Variants in NOL4L observed in about 807,000 individuals in gnomAD.
NOL4L encodes the protein nucleolar protein 4 like, also known as nucleolar protein 4-like.
Under a neutral mutation model 64.5 loss-of-function variants are expected in NOL4L, and 7 were observed. That is an observed-to-expected ratio of 0.11 (90% CI 0.06 to 0.20). The LOEUF is 0.20. Ranked by LOEUF, NOL4L falls within the 10% of genes least tolerant of loss-of-function variation. NOL4L has a pLI of 1.00. For missense variants in NOL4L, 680 were observed against 967.1 expected, an observed-to-expected ratio of 0.70 and a Z score of 3.94; for synonymous variants, 413 against 401.0, an observed-to-expected ratio of 1.03 and a Z score of -0.36.
rs869282447 is a variant in NOL4L at position 32,461,421 on chromosome 20, C to CTT, written c.842-5028_842-5027dup. On this transcript the variant is annotated intron_variant, in intron 5 of 10. Coordinates refer to ENST00000621426, the MANE Select transcript of NOL4L (RefSeq NM_001256798.2). ...ACACTGACCCCTCTACCTTTCTTTT[C>CTT]TTTTTTTTTTTTTTTTTTTGAGACG... 1.9e-3 allele frequency among the ~76,000 whole-genome samples: 113 copies of CTT among 58,276 alleles called. 1 individual carries two copies. The highest frequency in any genetic ancestry group is 2.8e-3 in the African/African-American group (31 of 11,054). The allele number at this position is 58,276 out of a possible 152,430, so 38.2% of individuals were successfully genotyped here. A position where few individuals can be genotyped will look rare whatever the true frequency, so the allele number is the denominator to read the frequency against.
chr20:32,565,198 C>T (rs1247053922), intron 1 of NOL4L, among the ~76,000 whole-genome samples: 2 of 152,184 alleles, frequency 1.3e-5, no homozygotes, highest in Admixed American at 6.5e-5. Flanking sequence ...CTGGAGACCC[C>T]GCCCTCCCAG....
At chr20:32,452,842 C>T (rs2013065659) in intron 9 of NOL4L, 42 bp downstream of exon 9, 2 of 1,609,478 alleles carry the variant, frequency 1.2e-6, no homozygotes, top group East Asian at 4.5e-5. Context: ...CCCTCCCTGG[C>T]TGCCCAGGAG....
intron 4 of NOL4L, among the ~76,000 whole-genome samples, chr20:32,487,732 CA>C (rs1258277513): frequency 2.6e-5 from 4 of 151,994 alleles, no homozygotes; most frequent in African/African-American, 4.8e-5. Context: ...GTTTTTAGAT[CA>C]GGGGAGATGA....
chr20:32,463,646 A>C lies in NOL4L; in HGVS notation c.842-7251T>G, dbSNP rs1161861236. Reference sequence around the variant, plus strand: ...TATTCAAATGGAGGAATTAGTGATGAATGGGGGAAATTGTTCCTCCCTCTG... The same window carrying C: ...TATTCAAATGGAGGAATTAGTGATGCATGGGGGAAATTGTTCCTCCCTCTG... On this transcript the variant is annotated intron_variant, in intron 5 of 10. Coordinates refer to ENST00000621426, the MANE Select transcript of NOL4L (RefSeq NM_001256798.2). The surrounding 1 kb of genome is among the most constrained non-coding windows in gnomAD (Gnocchi z 5.8). 6.6e-6 allele frequency among the ~76,000 whole-genome samples: 1 copy of C among 152,224 alleles called. No homozygotes were observed. The highest frequency in any genetic ancestry group is 1.5e-5 in the Non-Finnish European group (1 of 68,036).
chr20:32,477,379 C>T (rs1233146424), intron 4 of NOL4L, among the ~76,000 whole-genome samples: 1 of 152,234 alleles, frequency 6.6e-6, no homozygotes, highest in Non-Finnish European at 1.5e-5. Flanking sequence ...ACACGCCCTC[C>T]TAACTGAGTT....
intron 10 of NOL4L, chr20:32,449,708 A>C (rs2012681156): frequency 6.6e-6 from 1 of 152,282 alleles, no homozygotes; most frequent in Non-Finnish European, 1.5e-5. Context: ...GTGTTGTCAC[A>C]ATGCGGGACT....
intron 4 of NOL4L, among the ~76,000 whole-genome samples, chr20:32,498,198 C>A (rs1422402159): frequency 6.6e-6 from 1 of 152,166 alleles, no homozygotes; most frequent in African/African-American, 2.4e-5. Flanking sequence ...CTTTCCCACA[C>A]AGCTTCAGGG....
intron 4 of NOL4L, among the ~76,000 whole-genome samples, chr20:32,504,357 G>T (rs1203084176): frequency 6.6e-6 from 1 of 152,012 alleles, no homozygotes; most frequent in East Asian, 2.0e-4. Flanking sequence ...TCAGTAGATC[G>T]AGACCATCCT....
At chr20:32,511,086 T>A in intron 4 of NOL4L, 4 of 305,176 alleles carry the variant, frequency 1.3e-5, no homozygotes, top group Middle Eastern at 1.0e-3. Flanking sequence ...CGTCCCCTCC[T>A]CCCCCTCCTC....
intron 1 of NOL4L, among the ~76,000 whole-genome samples, chr20:32,562,057 G>C (rs137857614): frequency 2.0e-5 from 3 of 152,188 alleles, no homozygotes; most frequent in Admixed American, 1.3e-4. Flanking sequence ...GACCACAGGC[G>C]CGCTTACTCC....
chr20:32,568,481 C>T (rs766050906), intron 1 of NOL4L, among the ~76,000 whole-genome samples: 1 of 152,068 alleles, frequency 6.6e-6, no homozygotes, highest in Non-Finnish European at 1.5e-5. Context: ...GGACCTCAGA[C>T]TCCAGTCTCT....
At chr20:32,488,839 CTTTCTT>C (rs2016302296) in intron 4 of NOL4L, among the ~76,000 whole-genome samples, 3 of 58,874 alleles carry the variant, frequency 5.1e-5, no homozygotes, top group South Asian at 1.0e-3. Context: ...TTCTTTCTTT[CTTTCTT>C]TCTTTCTTTC....
At chr20:32,559,947 C>A (rs899324862) in intron 1 of NOL4L, among the ~76,000 whole-genome samples, 2 of 152,244 alleles carry the variant, frequency 1.3e-5, no homozygotes, top group Non-Finnish European at 1.5e-5. Flanking sequence ...GGAGACCAAG[C>A]CTCCCTCTGC....
Position 32,456,105 on chromosome 20 carries a change from C to T in NOL4L, c.1119+13G>A, listed in dbSNP as rs2145435907. The T allele has an allele frequency of 6.7e-7, 1 of 1,489,434 alleles. No homozygotes were observed. The highest frequency in any genetic ancestry group is 8.9e-7 in the Non-Finnish European group (1 of 1,118,326). 92.3% of individuals were successfully genotyped at this position (1,489,434 alleles called of 1,614,324 possible). ...TACAGAAAGAAATGGACTCAGCCCC[C>T]AGCCCCACACACCTCGGGGGTGGTC... On this transcript the variant is annotated intron_variant, in intron 6 of 10. Coordinates refer to ENST00000621426, the MANE Select transcript of NOL4L (RefSeq NM_001256798.2).
intron 4 of NOL4L, among the ~76,000 whole-genome samples, chr20:32,497,831 C>G (rs2016757063): frequency 6.6e-6 from 1 of 152,198 alleles, no homozygotes; most frequent in African/African-American, 2.4e-5. Context: ...CAGGACAGAG[C>G]CACTTCCCCC....
intron 4 of NOL4L, chr20:32,510,500 AC>A (rs2017350433): frequency 6.2e-6 from 1 of 161,396 alleles, no homozygotes. Flanking sequence ...GGACGGCCGC[AC>A]CCAGGGCTGG....
At chr20:32,533,142 A>C (rs1171993635) in intron 1 of NOL4L, among the ~76,000 whole-genome samples, 1 of 152,144 alleles carries the variant, frequency 6.6e-6, no homozygotes, top group Non-Finnish European at 1.5e-5. Flanking sequence ...AAAACAAAAA[A>C]AACCTACACA....
chr20:32,463,115 G>A lies in NOL4L; in HGVS notation c.842-6720C>T, dbSNP rs1446582922. Among the ~76,000 whole-genome samples, 1 of 152,022 alleles carries A rather than the reference G, an allele frequency of 6.6e-6. No individual in the cohort carries two copies. Among genetic ancestry groups the A allele is most frequent in the Non-Finnish European group, 1.5e-5 (1 of 68,018 alleles). ...GCCCTCCTGGGCTCTGGCACTTTAT[G>A]ACTCTGTGAAGAAACCCAGCTGGCT... is the stretch of plus-strand genomic sequence containing the variant. On this transcript the variant is annotated intron_variant, in intron 5 of 10. Transcript: ENST00000621426. This position sits in a 1 kb window ranked among gnomAD's most constrained non-coding sequence, Gnocchi z 5.8.
At chr20:32,474,472 C>T in intron 5 of NOL4L, 129 bp downstream of exon 5, 1 of 1,160,296 alleles carries the variant, frequency 8.6e-7, no homozygotes, top group Non-Finnish European at 1.2e-6. Flanking sequence ...CAAGCTTGGG[C>T]CTGAGCCACC....
Sources: allele counts gnomAD v4.1 joint callset (sites outside exome capture counted in the v4.1 genomes callset), GRCh38; gene constraint gnomAD v4.1.1; non-coding constraint Gnocchi (gnomAD v3.1); transcripts MANE v1.5; gene names NCBI Gene and HGNC (gene_info 2026-07-23, HGNC 2026-07-21).